CCNT2: variants seen among roughly 807,000 people sequenced by gnomAD.
The protein encoded by CCNT2 is cyclin T2, also known as cyclin-T2.
CCNT2 carries 18 observed loss-of-function variants against 70.0 expected under a neutral mutation model. The observed-to-expected ratio is 0.26, with a 90% CI of 0.18 to 0.38. The LOEUF (loss-of-function observed/expected upper bound fraction) is 0.38. Among genes scored for constraint, CCNT2 ranks in the 10% least tolerant of loss-of-function variants. The pLI is 1.00. For missense variants in CCNT2, 734 were observed against 890.2 expected, an observed-to-expected ratio of 0.82 and a Z score of 2.23; for synonymous variants, 334 against 313.3, an observed-to-expected ratio of 1.07 and a Z score of -0.70.
chr2:134,949,721 G>A (rs1682298397), intron 7 of CCNT2, among the ~76,000 whole-genome samples: 1 of 143,282 alleles, frequency 7.0e-6, no homozygotes, highest in African/African-American at 2.6e-5. Context: ...CTGTTCTATA[G>A]CTTGAAAAAT....
At chr2:134,940,805 C>G (rs1681527009) in intron 4 of CCNT2, among the ~76,000 whole-genome samples, 1 of 152,074 alleles carries the variant, frequency 6.6e-6, no homozygotes, top group Non-Finnish European at 1.5e-5. Context: ...TCTAGTGATG[C>G]CAGAAGTGCT....
chr2:134,949,811 G>GGA (rs548269716), intron 7 of CCNT2, among the ~76,000 whole-genome samples: 2,218 of 130,766 alleles, frequency 0.017, 78 homozygotes, highest in African/African-American at 0.059. Flanking sequence ...TCGGGGGGGG[G>GGA]GTGGGGGACA....
chr2:134,952,344 T>G (rs1682578063), intron 7 of CCNT2, among the ~76,000 whole-genome samples: 1 of 150,864 alleles, frequency 6.6e-6, no homozygotes, highest in Admixed American at 6.7e-5. Flanking sequence ...TATTGTGGTG[T>G]TTGCCTAATG....
chr2:134,947,988 G>A (rs1979033), intron 7 of CCNT2, 89 bp downstream of exon 7: 399,362 of 657,242 alleles, frequency 0.61, 135,384 homozygotes, highest in East Asian at 1. Flanking sequence ...TACACTATCA[G>A]ATGAACAGAA....
intron 2 of CCNT2, among the ~76,000 whole-genome samples, chr2:134,932,186 A>G (rs200061220): frequency 6.6e-6 from 1 of 151,516 alleles, no homozygotes; most frequent in Non-Finnish European, 1.5e-5. Context: ...GGGTTTCACC[A>G]TGTGTTAATC....
Position 134,957,182 on chromosome 2 carries a change from C to T in CCNT2, c.*2534C>T, listed in dbSNP as rs573441943. On this transcript the variant is annotated 3_prime_UTR_variant, in exon 9 of 9. Coordinates refer to ENST00000264157, the MANE Select transcript of CCNT2 (RefSeq NM_058241.3). ...GAATTTGCTTTATCCATCTCATTTG[C>T]ATAACAGTTCATCTGTCTGGTCCCA... 12 of 152,220 alleles carry T rather than the reference C, an allele frequency of 7.9e-5. No homozygotes were observed. The highest frequency in any genetic ancestry group is 2.9e-4 in the African/African-American group (12 of 41,532). The allele number at this position is 152,220 out of a possible 1,614,324, so 9.4% of individuals were successfully genotyped here.
intron 6 of CCNT2, among the ~76,000 whole-genome samples, chr2:134,946,897 A>G (rs2105073171): frequency 6.6e-6 from 1 of 152,268 alleles, no homozygotes; most frequent in South Asian, 2.1e-4. Context: ...GGACCAAACC[A>G]GCTTTGTATG....
At chr2:134,938,943 A>C in intron 3 of CCNT2, 59 bp from the exon 4 acceptor site, 2 of 1,059,376 alleles carry the variant, frequency 1.9e-6, no homozygotes, top group South Asian at 1.3e-5. Context: ...TGTAACAGTC[A>C]TGCAGTCTAG....
At chr2:134,948,907 G>GT in intron 7 of CCNT2, among the ~76,000 whole-genome samples, 1 of 151,662 alleles carries the variant, frequency 6.6e-6, no homozygotes, top group Middle Eastern at 3.2e-3. Flanking sequence ...TAGAGATGGG[G>GT]TTTCACCATG....
intron 7 of CCNT2, among the ~76,000 whole-genome samples, chr2:134,949,943 T>C (rs4954201): frequency 0.35 from 52,956 of 151,790 alleles, 10,044 homozygotes; most frequent in Middle Eastern, 0.67. Flanking sequence ...TACAGGTGCC[T>C]GCCACCACGC....
At chr2:134,932,260 C>G (rs543878828) in intron 2 of CCNT2, among the ~76,000 whole-genome samples, 2 of 152,112 alleles carry the variant, frequency 1.3e-5, no homozygotes, top group Non-Finnish European at 2.9e-5. Flanking sequence ...CTTGGCATCC[C>G]GAAGTGCTGG....
chr2:134,953,424 A>G lies in CCNT2; in HGVS notation c.969A>G (p.Gln323=). 1.2e-6 allele frequency: 2 copies of G among 1,610,650 alleles called. No homozygotes were observed. Among genetic ancestry groups the G allele is most frequent in the Non-Finnish European group, 1.7e-6 (2 of 1,178,168 alleles). Residue 323 remains glutamine (Q), a synonymous_variant, in exon 9 of 9, where the codon CAA becomes CAG. Coordinates refer to ENST00000264157, the MANE Select transcript of CCNT2 (RefSeq NM_058241.3). ...VPLNSGNISV[Q]DSHTSDNLSM... ...TAAATTCAGGAAATATTTCTGTTCA[A>G]GACAGCCATACATCTGATAATTTGT...
chr2:134,938,882 A>G, intron 3 of CCNT2, 120 bp from the exon 4 acceptor site: 1 of 590,130 alleles, frequency 1.7e-6, no homozygotes, highest in East Asian at 3.1e-5. Flanking sequence ...TTTTCTCCAT[A>G]TTTTCAAACT....
At chr2:134,947,655 A>T (rs1682097888) in intron 6 of CCNT2, 81 bp from the exon 7 acceptor site, 1 of 1,103,086 alleles carries the variant, frequency 9.1e-7, no homozygotes. Flanking sequence ...ATTTTGCTCT[A>T]ATCTTACTGG....
chr2:134,943,469 T>C, intron 5 of CCNT2: 1 of 985,338 alleles, frequency 1.0e-6, no homozygotes, highest in Non-Finnish European at 1.2e-6. Flanking sequence ...TAAAATTGAT[T>C]TAATGTATTT....
At chr2:134,919,737 G>A in intron 1 of CCNT2, 73 bp from the exon 2 acceptor site, 1 of 1,199,474 alleles carries the variant, frequency 8.3e-7, no homozygotes, top group East Asian at 2.5e-5. Flanking sequence ...AAGAACCTGG[G>A]AATTTTCCAT....
At position 134,958,356 on chromosome 2, in the gene CCNT2, AT is replaced by A. The variant is rs1440903626; in HGVS notation, c.*3710del. 1.3e-5 allele frequency: 2 copies of A among 152,220 alleles called. No individual in the cohort carries two copies. The highest frequency in any genetic ancestry group is 4.8e-5 in the African/African-American group (2 of 41,466). The allele number at this position is 152,220 out of a possible 1,614,324, so 9.4% of individuals were successfully genotyped here. A position where few individuals can be genotyped will look rare whatever the true frequency, so the allele number is the denominator to read the frequency against. ...TCATGGATTCAGTATTTCTAACCTG[AT>A]TACTGCCTCAGAGGCTGTCTTGAAG... On this transcript the variant is annotated 3_prime_UTR_variant, in exon 9 of 9. Transcript: ENST00000264157.
intron 7 of CCNT2, among the ~76,000 whole-genome samples, chr2:134,948,562 G>T (rs1682177413): frequency 6.6e-6 from 1 of 152,116 alleles, no homozygotes; most frequent in South Asian, 2.1e-4. Context: ...GAAATTGTGG[G>T]TGTGTGTTCT....
At position 134,954,554 on chromosome 2, in the gene CCNT2, A is replaced by G. The variant is rs1454746248; in HGVS notation, c.2099A>G (p.Asn700Ser). 4 of 1,614,184 alleles carry G rather than the reference A, an allele frequency of 2.5e-6. No homozygotes were observed. The highest frequency in any genetic ancestry group is 3.4e-6 in the Non-Finnish European group (4 of 1,180,002). Reference protein sequence around the residue: ...KPVETNGPDANHEYSTSSQHM... With the variant: ...KPVETNGPDASHEYSTSSQHM... ...GTGGAGACCAACGGTCCTGATGCCAATCACGAGTACAGTACAAGCAGCCAG... is the reference window on the plus strand; with the variant it reads ...GTGGAGACCAACGGTCCTGATGCCAGTCACGAGTACAGTACAAGCAGCCAG... Residue 700 changes from asparagine to serine, a missense_variant, in exon 9 of 9, where the codon AAT becomes AGT. Transcript: ENST00000264157.
Sources: gnomAD v4.1 joint callset for allele counts (sites outside exome capture counted in the v4.1 genomes callset) on GRCh38, gnomAD v4.1.1 for gene constraint, MANE v1.5 for transcripts, NCBI Gene and HGNC (gene_info 2026-07-23, HGNC 2026-07-21) for gene names.